The following DLG2 variants were observed in gnomAD, a reference collection of about 807,000 sequenced individuals.
The protein encoded by DLG2 is discs large MAGUK scaffold protein 2.
Under a neutral mutation model 132.5 loss-of-function variants are expected in DLG2, and 45 were observed. The ratio of observed to expected loss-of-function variants is 0.34; its 90% confidence interval spans 0.27 to 0.44. The LOEUF is 0.44. Ranked by LOEUF, DLG2 falls within the 20% of genes least tolerant of loss-of-function variation. The pLI, the probability that DLG2 is intolerant of heterozygous loss-of-function variation, is 1.00. For synonymous variants in DLG2, 424 were observed against 419.6 expected (o/e 1.01, Z -0.13); for missense variants, 1,045 against 1,196.9 (o/e 0.87, Z 1.87).
At chr11:84,693,730 T>A (rs2058308908) in intron 6 of DLG2, among the ~76,000 whole-genome samples, 1 of 151,662 alleles carries the variant, frequency 6.6e-6, no homozygotes, top group South Asian at 2.1e-4. Context: ...CTCCCCTTTA[T>A]GAACACTGTA....
At chr11:84,414,056 T>G (rs968187624) in intron 7 of DLG2, among the ~76,000 whole-genome samples, 1 of 152,222 alleles carries the variant, frequency 6.6e-6, no homozygotes, top group Non-Finnish European at 1.5e-5. Context: ...ATATGCAATT[T>G]GTACTATGTT....
chr11:85,074,681 C>T (rs1409103258), intron 6 of DLG2, among the ~76,000 whole-genome samples: 4 of 151,776 alleles, frequency 2.6e-5, no homozygotes, highest in African/African-American at 9.7e-5. Flanking sequence ...TAAAAGGTAG[C>T]AATGCTGCTC....
In DLG2 at chr11:85,436,030, TC is replaced by T. The variant is rs2091460278; in HGVS notation, c.41-150666del. The stretch of plus-strand genomic sequence containing the variant: ...CCACACATTTACAACCAACTGATCT[TC>T]AACAAACCTAAAAAAAACAAAAAAT... On this transcript the variant is annotated intron_variant, in intron 3 of 27. Transcript: ENST00000376104. Among the ~76,000 whole-genome samples the T allele has an allele frequency of 2.6e-5, 4 of 152,042 alleles. No homozygotes were observed. The South Asian group carries it at 8.3e-4, about 32-fold the overall frequency.
At chr11:84,704,313 T>C (rs1012659168) in intron 6 of DLG2, among the ~76,000 whole-genome samples, 4 of 151,602 alleles carry the variant, frequency 2.6e-5, no homozygotes, top group African/African-American at 9.7e-5. Context: ...TTTGTTCTTC[T>C]GTAAAGTATT....
chr11:84,925,192 A>G (rs1352580403), intron 6 of DLG2, among the ~76,000 whole-genome samples: 2 of 152,162 alleles, frequency 1.3e-5, no homozygotes, highest in Non-Finnish European at 2.9e-5. Flanking sequence ...AGTTGCCGGG[A>G]TATTTGGATG....
At chr11:84,976,394 T>G (rs1477871389) in intron 6 of DLG2, among the ~76,000 whole-genome samples, 1 of 152,146 alleles carries the variant, frequency 6.6e-6, no homozygotes, top group East Asian at 1.9e-4. Context: ...AGATGACTAC[T>G]AGGTCACACA....
chr11:85,303,168 C>T (rs1161494033), intron 3 of DLG2, among the ~76,000 whole-genome samples: 1 of 152,170 alleles, frequency 6.6e-6, no homozygotes, highest in Non-Finnish European at 1.5e-5. Flanking sequence ...TGAATTTGTA[C>T]AGCAAACCCC....
intron 14 of DLG2, among the ~76,000 whole-genome samples, chr11:83,955,196 A>G (rs1353449191): frequency 6.6e-6 from 1 of 152,144 alleles, no homozygotes; most frequent in Non-Finnish European, 1.5e-5. Context: ...AGAAAGTATT[A>G]TTTTGCCCCT....
chr11:83,533,650 C>CAACA (rs1486065948), intron 20 of DLG2, among the ~76,000 whole-genome samples: 3 of 152,098 alleles, frequency 2.0e-5, no homozygotes, highest in Non-Finnish European at 4.4e-5. Flanking sequence ...ACAGAAGGAA[C>CAACA]AACACATTCC....
intron 3 of DLG2, among the ~76,000 whole-genome samples, chr11:85,425,824 C>T (rs1036498093): frequency 2.6e-5 from 4 of 152,016 alleles, no homozygotes; most frequent in African/African-American, 4.8e-5. Context: ...AAGCAAGAGC[C>T]GAAGCAGGGC....
chr11:83,484,071 C>T, intron 22 of DLG2, 58 bp downstream of exon 22: 1 of 1,411,714 alleles, frequency 7.1e-7, no homozygotes, highest in Non-Finnish European at 1.0e-6. Flanking sequence ...CTGCGTGTTG[C>T]CTGTGAATTT....
chr11:83,794,323 G>C (rs7952434), intron 17 of DLG2, among the ~76,000 whole-genome samples: 68,222 of 151,674 alleles, frequency 0.45, 15,507 homozygotes, highest in Middle Eastern at 0.59. Context: ...CCTGAGGTTT[G>C]AGTTTTTATC....
At chr11:83,878,792 A>T (rs2065407245) in intron 15 of DLG2, among the ~76,000 whole-genome samples, 1 of 152,198 alleles carries the variant, frequency 6.6e-6, no homozygotes. Context: ...CTGGAGAAGA[A>T]GTCCCCTGTC....
chr11:85,266,917 C>G (rs1021517701), intron 4 of DLG2, among the ~76,000 whole-genome samples: 4 of 152,180 alleles, frequency 2.6e-5, no homozygotes, highest in Admixed American at 2.0e-4. Flanking sequence ...AGAGTATAAA[C>G]TTTCCATTCT....
intron 7 of DLG2, among the ~76,000 whole-genome samples, chr11:84,458,722 T>C (rs935427335): frequency 6.6e-6 from 1 of 150,810 alleles, no homozygotes. Context: ...TGAATTCTTC[T>C]GTTGCATTTA....
chr11:83,819,958 T>A (rs1231172321), intron 17 of DLG2, among the ~76,000 whole-genome samples: 2 of 151,772 alleles, frequency 1.3e-5, no homozygotes, highest in African/African-American at 2.4e-5. Context: ...ATAATAATAA[T>A]AAACAAAGTC....
At chr11:84,705,874 A>T (rs1018670380) in intron 6 of DLG2, among the ~76,000 whole-genome samples, 20 of 151,836 alleles carry the variant, frequency 1.3e-4, no homozygotes, top group Admixed American at 2.0e-4. Flanking sequence ...ACAATAGATT[A>T]TATCAACCAT....
chr11:83,986,252 T>C (rs2093299402), intron 11 of DLG2, among the ~76,000 whole-genome samples: 2 of 146,738 alleles, frequency 1.4e-5, no homozygotes, highest in Non-Finnish European at 3.0e-5. Flanking sequence ...ATGTTCCCCT[T>C]CCTGTGTCCA....
intron 9 of DLG2, among the ~76,000 whole-genome samples, chr11:84,154,184 G>A (rs745987392): frequency 3.0e-4 from 46 of 152,132 alleles, no homozygotes; most frequent in Non-Finnish European, 6.0e-4. Context: ...TTTTAATACA[G>A]ATGGGGTTTC....
Sources: allele counts gnomAD v4.1 joint callset (sites outside exome capture counted in the v4.1 genomes callset), GRCh38; gene constraint gnomAD v4.1.1; transcripts MANE v1.5; gene names NCBI Gene and HGNC (gene_info 2026-07-23, HGNC 2026-07-21).